Variants in POGZ observed in about 807,000 individuals in gnomAD.
POGZ encodes the protein pogo transposable element derived with ZNF domain.
POGZ carries 17 observed loss-of-function variants against 134.6 expected under a neutral mutation model. The observed-to-expected ratio is 0.13, with a 90% CI of 0.09 to 0.19. The LOEUF (loss-of-function observed/expected upper bound fraction) is 0.19. Ranked by LOEUF, POGZ falls within the 10% of genes least tolerant of loss-of-function variation. The pLI, the probability that POGZ is intolerant of heterozygous loss-of-function variation, is 1.00. For missense variants in POGZ, 1,306 were observed against 1,769.7 expected, an observed-to-expected ratio of 0.74 and a Z score of 4.70; for synonymous variants, 693 against 657.1, an observed-to-expected ratio of 1.05 and a Z score of -0.84.
rs144583773 is a variant in POGZ at position 151,441,054 on chromosome 1, C to T, written c.157G>A (p.Val53Met). The change falls in exon 3 of 19, where the codon GTG (valine) becomes ATG (methionine). Residue 53 changes from valine (V) to methionine (M), a missense_variant. Physicochemically the swap from Val to Met is conservative, Grantham distance 21 (BLOSUM62 1). Around this residue, in one of 10 missense-constraint regions of POGZ, gnomAD observed 541 missense variants for 680.5 expected, o/e 0.80. Transcript: ENST00000271715. ...ACAGAAGCATGGGCAGCGATGGGCACTGGAGCCGAGACTGGCTGCTGGCTC... is the reference window on the plus strand; with the variant it reads ...ACAGAAGCATGGGCAGCGATGGGCATTGGAGCCGAGACTGGCTGCTGGCTC... ...SVSQQPVSAPVPIAAHASVAG... is the reference protein window; with the variant it reads ...SVSQQPVSAPMPIAAHASVAG... 9.9e-6 allele frequency: 16 copies of T among 1,613,864 alleles called. No individual in the cohort carries two copies. Among genetic ancestry groups the T allele is most frequent in the Non-Finnish European group, 1.4e-5 (16 of 1,179,936 alleles).
chr1:151,411,624 C>T lies in POGZ; in HGVS notation c.1926+1G>A. ...TATGGGAATTGCTTGGTGCCTAGTA[C>T]CTGGTGCCTCATGTAATGCTGTTGG... is the stretch of plus-strand genomic sequence containing the variant. On this transcript the variant is annotated splice_donor_variant, in intron 12 of 18. Coordinates refer to ENST00000271715, the MANE Select transcript of POGZ (RefSeq NM_015100.4). LOFTEE classifies it high-confidence loss of function. 1 of 1,598,964 alleles carries T rather than the reference C, an allele frequency of 6.3e-7. No homozygotes were observed. Among genetic ancestry groups the T allele is most frequent in the Non-Finnish European group, 8.5e-7 (1 of 1,172,308 alleles).
In POGZ at chr1:151,428,295, G is replaced by A. The variant is rs749391687; in HGVS notation, c.687C>T (p.Thr229=). 76 of 1,614,048 alleles carry A rather than the reference G, an allele frequency of 4.7e-5. 1 individual carries two copies. The East Asian group carries it at 1.5e-3, about 32-fold the overall frequency. ...PVRPTTNTFT[T]VIPATLTIRS... ...GAATGGTAAGAGTGGCCGGGATGAC[G>A]GTGGTGAAGGTGTTGGTGGTGGGCC... Residue 229 remains threonine (T), a synonymous_variant, in exon 6 of 19, where the codon ACC becomes ACT. Coordinates refer to ENST00000271715, the MANE Select transcript of POGZ (RefSeq NM_015100.4).
At chr1:151,455,864 T>C (rs1332294455) in intron 1 of POGZ, among the ~76,000 whole-genome samples, 2 of 151,270 alleles carry the variant, frequency 1.3e-5, no homozygotes, top group African/African-American at 2.4e-5. Flanking sequence ...GTTTGGTAAA[T>C]ACTAAAACTC....
Position 151,451,695 on chromosome 1 carries a change from A to G in POGZ, c.-2+7457T>C, listed in dbSNP as rs185098883. Among the ~76,000 whole-genome samples, 248 of 152,120 alleles carry G rather than the reference A, an allele frequency of 1.6e-3. 8 individuals carry two copies. Among genetic ancestry groups the G allele is most frequent in the Admixed American group, 0.015 (232 of 15,104 alleles). On this transcript the variant is annotated intron_variant, in intron 1 of 18. Transcript: ENST00000271715. ...GCAATAAAAGAACAAATTAAGTATC[A>G]CCACAAAGAAATAATGAGATAAATC...
chr1:151,418,429 G>A (rs1411155796), intron 10 of POGZ, among the ~76,000 whole-genome samples: 2 of 152,140 alleles, frequency 1.3e-5, no homozygotes, highest in African/African-American at 2.4e-5. Context: ...GGTTACCAGA[G>A]GCTGGGAAGA....
intron 15 of POGZ, 145 bp from the exon 16 acceptor site, chr1:151,407,436 C>T: frequency 1.6e-6 from 1 of 609,240 alleles, no homozygotes; most frequent in Non-Finnish European, 2.9e-6. Context: ...TGTCACCATG[C>T]TTCTTAAACT....
chr1:151,447,586 T>G (rs1350926833), intron 1 of POGZ, among the ~76,000 whole-genome samples: 1 of 150,704 alleles, frequency 6.6e-6, no homozygotes, highest in Non-Finnish European at 1.5e-5. Flanking sequence ...TGAGTAACTC[T>G]TGGGACAAAG....
chr1:151,442,257 C>T, intron 1 of POGZ, 52 bp from the exon 2 acceptor site: 1 of 1,536,550 alleles, frequency 6.5e-7, no homozygotes, highest in African/African-American at 1.4e-5. Flanking sequence ...GGAGATATTG[C>T]TTTATACCAA....
chr1:151,411,524 A>T (rs1654663973), intron 12 of POGZ, 101 bp downstream of exon 12: 1 of 780,738 alleles, frequency 1.3e-6, no homozygotes, highest in African/African-American at 1.8e-5. Flanking sequence ...GCATATTATA[A>T]TCTCTGCCCA....
intron 10 of POGZ, among the ~76,000 whole-genome samples, chr1:151,420,184 T>C (rs762579665): frequency 6.6e-6 from 1 of 152,208 alleles, no homozygotes; most frequent in Non-Finnish European, 1.5e-5. Flanking sequence ...CAAGACCCTG[T>C]TGTCTCAAAA....
At chr1:151,446,073 G>A (rs1571558667) in intron 1 of POGZ, among the ~76,000 whole-genome samples, 1 of 102,894 alleles carries the variant, frequency 9.7e-6, no homozygotes. Flanking sequence ...TTTTAGCCCC[G>A]ATCATGGGCA....
At chr1:151,406,768 C>A in intron 17 of POGZ, 137 bp from the exon 18 acceptor site, 2 of 1,011,820 alleles carry the variant, frequency 2.0e-6, no homozygotes, top group South Asian at 1.5e-5. Flanking sequence ...ATATAAACTT[C>A]AGGTCGGAAG....
rs1056758241 is a variant in POGZ at position 151,403,078 on chromosome 1, AGCTG to A, written c.*1720_*1723del. On this transcript the variant is annotated 3_prime_UTR_variant, in exon 19 of 19. Transcript: ENST00000271715. ...GTCAATAAAATGGCATCAGGCAAAA[AGCTG>A]GGGAAGAGAAGCCCAGATGGATCCT... is the stretch of plus-strand genomic sequence containing the variant. 4.1e-5 allele frequency: 12 copies of A among 291,398 alleles called. No homozygotes were observed. The highest frequency in any genetic ancestry group is 1.3e-4 in the South Asian group (1 of 7,604). 18.1% of individuals were successfully genotyped at this position (291,398 alleles called of 1,614,324 possible). A position where few individuals can be genotyped will look rare whatever the true frequency, so the allele number is the denominator to read the frequency against.
chr1:151,417,013 T>G (rs141193059), intron 10 of POGZ, among the ~76,000 whole-genome samples: 5 of 152,304 alleles, frequency 3.3e-5, no homozygotes, highest in Non-Finnish European at 7.4e-5. Flanking sequence ...CAGAAAATTT[T>G]TAAATAAAGT....
chr1:151,439,866 G>C (rs1420760195), intron 3 of POGZ, among the ~76,000 whole-genome samples: 1 of 152,116 alleles, frequency 6.6e-6, no homozygotes, highest in Non-Finnish European at 1.5e-5. Flanking sequence ...AAAAGATACA[G>C]AGATAGGAAT....
chr1:151,446,252 A>AG (rs1156700412), intron 1 of POGZ, among the ~76,000 whole-genome samples: 4 of 98,300 alleles, frequency 4.1e-5, no homozygotes, highest in Non-Finnish European at 7.1e-5. Context: ...CTTTCTCATA[A>AG]GGAAAAAAAA....
Position 151,425,064 on chromosome 1 carries a change from G to A in POGZ, c.1079-3C>T. The A allele has an allele frequency of 7.0e-7, 1 of 1,433,224 alleles. No homozygotes were observed. The allele number at this position is 1,433,224 out of a possible 1,614,324, so 88.8% of individuals were successfully genotyped here. A position where few individuals can be genotyped will look rare whatever the true frequency, so the allele number is the denominator to read the frequency against. Reference sequence around the variant, plus strand: ...AAATACTGGGATGGAAGAGGTCACTGAAAGAAGTGAGAAGAATTGATAAGA... The same window carrying A: ...AAATACTGGGATGGAAGAGGTCACTAAAAGAAGTGAGAAGAATTGATAAGA... On this transcript the variant is annotated splice_polypyrimidine_tract_variant and splice_region_variant and intron_variant, in intron 7 of 18. Transcript: ENST00000271715.
At chr1:151,451,517 G>T (rs948701077) in intron 1 of POGZ, among the ~76,000 whole-genome samples, 2 of 151,302 alleles carry the variant, frequency 1.3e-5, no homozygotes, top group Non-Finnish European at 2.9e-5. Context: ...GTAGAGATGG[G>T]GTTTCATCAT....
chr1:151,446,246 C>T (rs911262616), intron 1 of POGZ, among the ~76,000 whole-genome samples: 1 of 115,168 alleles, frequency 8.7e-6, no homozygotes, highest in Admixed American at 1.0e-4. Flanking sequence ...CCAAATCTTT[C>T]TCATAAGGAA....
Sources: allele counts gnomAD v4.1 joint callset (sites outside exome capture counted in the v4.1 genomes callset), GRCh38; gene constraint gnomAD v4.1.1; regional missense constraint gnomAD v4.1.1; transcripts MANE v1.5; gene names NCBI Gene and HGNC (gene_info 2026-07-23, HGNC 2026-07-21).